BMAL1: variants seen among roughly 807,000 people sequenced by gnomAD.
The protein encoded by BMAL1 is basic helix-loop-helix ARNT like 1.
chr11:13,323,947 ATTGTACATAT>A, the BMAL1 span, among the ~76,000 whole-genome samples: 2 of 152,232 alleles, frequency 1.3e-5, 1 homozygote, highest in African/African-American at 4.8e-5. Context: ...ACACATAATA[ATTGTACATAT>A]TTATGGGGTA....
chr11:13,372,189 C>T, the BMAL1 span: 1 of 1,614,112 alleles, frequency 6.2e-7, no homozygotes, highest in Non-Finnish European at 8.5e-7. Context: ...CTGCACAATC[C>T]ACAGCACAGG....
chr11:13,285,833 C>T, the BMAL1 span, among the ~76,000 whole-genome samples: 1 of 151,874 alleles, frequency 6.6e-6, no homozygotes, highest in Admixed American at 6.6e-5. Flanking sequence ...TTTATCATAC[C>T]CTGCTTAGAA....
At chr11:13,319,564 T>C in the BMAL1 span, among the ~76,000 whole-genome samples, 11 of 152,234 alleles carry the variant, frequency 7.2e-5, no homozygotes, top group Non-Finnish European at 1.0e-4. Flanking sequence ...ATTACACGTT[T>C]ATCTTAGAAA....
the BMAL1 span, among the ~76,000 whole-genome samples, chr11:13,328,929 A>T: frequency 6.6e-6 from 1 of 152,158 alleles, no homozygotes; most frequent in African/African-American, 2.4e-5. Context: ...ATTTTACCTC[A>T]TAATACTGCT....
At chr11:13,343,230 A>T in the BMAL1 span, among the ~76,000 whole-genome samples, 1 of 152,326 alleles carries the variant, frequency 6.6e-6, no homozygotes, top group Middle Eastern at 3.4e-3. Context: ...GTCATCTCCC[A>T]TCAGAGAACA....
the BMAL1 span, among the ~76,000 whole-genome samples, chr11:13,339,240 C>T: frequency 6.6e-6 from 1 of 152,114 alleles, no homozygotes; most frequent in Non-Finnish European, 1.5e-5. Flanking sequence ...GACTTTTTGT[C>T]ACCCTGCCGT....
At chr11:13,333,994 T>G in the BMAL1 span, among the ~76,000 whole-genome samples, 7 of 152,148 alleles carry the variant, frequency 4.6e-5, no homozygotes, top group Admixed American at 1.3e-4. Flanking sequence ...TTAATCCCAG[T>G]AAAGGTAACA....
the BMAL1 span, among the ~76,000 whole-genome samples, chr11:13,306,306 G>A: frequency 1.3e-5 from 2 of 152,124 alleles, no homozygotes; most frequent in African/African-American, 4.8e-5. Context: ...CTGTGTCCAG[G>A]CAGGAGGTCC....
chr11:13,305,035 G>A, the BMAL1 span, among the ~76,000 whole-genome samples: 2 of 152,206 alleles, frequency 1.3e-5, no homozygotes, highest in African/African-American at 4.8e-5. Context: ...CTCTGTGTTT[G>A]AGAGTGGGAG....
chr11:13,346,415 T>C, the BMAL1 span, among the ~76,000 whole-genome samples: 1 of 152,192 alleles, frequency 6.6e-6, no homozygotes, highest in African/African-American at 2.4e-5. Flanking sequence ...GGGTCTTGGA[T>C]GTGATCATCT....
chr11:13,356,414 C>A, the BMAL1 span: 1 of 544,404 alleles, frequency 1.8e-6, no homozygotes. Flanking sequence ...TATTTCAATC[C>A]TATGGTTAAC....
At chr11:13,354,731 C>T in the BMAL1 span, 33 of 362,838 alleles carry the variant, frequency 9.1e-5, no homozygotes, top group East Asian at 1.9e-3. Flanking sequence ...TGTCTTTTAC[C>T]CCTTTCTTCG....
the BMAL1 span, among the ~76,000 whole-genome samples, chr11:13,374,645 A>G: frequency 6.6e-6 from 1 of 152,088 alleles, no homozygotes; most frequent in Admixed American, 6.6e-5. Flanking sequence ...TGCATTTCCA[A>G]AAGTCTACTT....
At chr11:13,361,225 T>C in the BMAL1 span, among the ~76,000 whole-genome samples, 1 of 152,176 alleles carries the variant, frequency 6.6e-6, no homozygotes, top group Non-Finnish European at 1.5e-5. Context: ...TGCTGGGAGA[T>C]GGTTGAGGTG....
the BMAL1 span, among the ~76,000 whole-genome samples, chr11:13,320,637 C>T: frequency 1.3e-5 from 2 of 152,130 alleles, no homozygotes; most frequent in Non-Finnish European, 2.9e-5. Flanking sequence ...ACAAAATAAA[C>T]AGTGTATAAA....
chr11:13,344,946 G>T, the BMAL1 span, among the ~76,000 whole-genome samples: 1 of 152,246 alleles, frequency 6.6e-6, no homozygotes, highest in Non-Finnish European at 1.5e-5. Flanking sequence ...GCTCCCTGTA[G>T]GTAGGTTGTG....
chr11:13,369,518 C>T, the BMAL1 span: 1 of 1,381,364 alleles, frequency 7.2e-7, no homozygotes, highest in Non-Finnish European at 1.0e-6. Context: ...CATTATAAAA[C>T]AGTGAGGCAG....
chr11:13,285,435 G>A, the BMAL1 span, among the ~76,000 whole-genome samples: 1 of 152,160 alleles, frequency 6.6e-6, no homozygotes. Context: ...AGAAGTGCTA[G>A]GAGTGCTAGG....
At chr11:13,334,505 G>T in the BMAL1 span, among the ~76,000 whole-genome samples, 1 of 150,012 alleles carries the variant, frequency 6.7e-6, no homozygotes, top group African/African-American at 2.4e-5. Flanking sequence ...TTAGATCAAG[G>T]TGACAAATAC....
Sources: gnomAD v4.1 joint callset for allele counts (sites outside exome capture counted in the v4.1 genomes callset) on GRCh38, gnomAD v4.1.1 for gene constraint, MANE v1.5 for transcripts, NCBI Gene and HGNC (gene_info 2026-07-23, HGNC 2026-07-21) for gene names.